Variants in DDI2 observed in about 807,000 individuals in gnomAD.
DDI2 encodes the protein protein DDI1 homolog 2.
In DDI2, 5 loss-of-function variants were observed where a neutral mutation model predicts 48.1. The observed-to-expected ratio is 0.10, with a 90% CI of 0.05 to 0.22. The LOEUF is 0.22. DDI2 is among the 10% of genes least tolerant of loss of function. The pLI is 1.00. For synonymous variants in DDI2, 205 were observed against 183.6 expected, an observed-to-expected ratio of 1.12 and a Z score of -0.94; for missense variants, 285 against 506.2, an observed-to-expected ratio of 0.56 and a Z score of 4.19.
intron 6 of DDI2, among the ~76,000 whole-genome samples, chr1:15,647,170 CAG>C (rs1169601238): frequency 6.7e-6 from 1 of 149,478 alleles, no homozygotes; most frequent in African/African-American, 2.5e-5. Flanking sequence ...TTTTTTGAAA[CAG>C]AGTCTCACTC....
rs376809241 is a variant in DDI2, at chr1:15,660,786, C to T, written c.*996C>T. On this transcript the variant is annotated 3_prime_UTR_variant, in exon 10 of 10. Coordinates refer to ENST00000480945, the MANE Select transcript of DDI2 (RefSeq NM_032341.5). ...CTGAAATTTTGAATGATTCCATTTCCACTCAGGATTTACAGCCCCCAGAAA... is the reference window on the plus strand; with the variant it reads ...CTGAAATTTTGAATGATTCCATTTCTACTCAGGATTTACAGCCCCCAGAAA... The T allele has an allele frequency of 3.8e-5, 62 of 1,613,836 alleles. No homozygotes were observed. The Middle Eastern group carries it at 4.9e-4, about 13-fold the overall frequency.
chr1:15,657,297 C>G (rs556780472), intron 9 of DDI2, among the ~76,000 whole-genome samples: 21 of 152,280 alleles, frequency 1.4e-4, no homozygotes, highest in African/African-American at 5.1e-4. Flanking sequence ...CATTGGCTGA[C>G]TTACTAAGAG....
At chr1:15,634,550 T>TTTTTTTTTTTTTTA (rs1570973895) in intron 4 of DDI2, among the ~76,000 whole-genome samples, 1 of 147,028 alleles carries the variant, frequency 6.8e-6, no homozygotes, top group Non-Finnish European at 1.5e-5. Context: ...TTTTTTTTTT[T>TTTTTTTTTTTTTTA]GAGACAAGGT....
rs182411445 is a variant in DDI2 at position 15,649,817 on chromosome 1, G to A, written c.987G>A (p.Arg329=). 227 of 1,607,242 alleles carry A rather than the reference G, an allele frequency of 1.4e-4. No individual in the cohort carries two copies. In the East Asian group the frequency reaches 4.8e-3, roughly 34 times the overall value. ...TTCTGGGACTGGACATGCTTAAACG[G>A]CACCAGGTAATTAAGAGCTTCACTT... The part of the protein sequence containing the change: ...DMLLGLDMLK[R]HQCSIDLKKN... The change falls in exon 7 of 10, where the codon CGG becomes CGA. Residue 329 remains arginine, a synonymous_variant. Coordinates refer to ENST00000480945, the MANE Select transcript of DDI2 (RefSeq NM_032341.5).
chr1:15,655,118 G>A (rs1640252058), intron 8 of DDI2, among the ~76,000 whole-genome samples: 1 of 152,110 alleles, frequency 6.6e-6, no homozygotes, highest in South Asian at 2.1e-4. Flanking sequence ...GCTTAGTGAA[G>A]GGGATGTACC....
Position 15,664,986 on chromosome 1 carries a change from G to C in DDI2, c.*5196G>C, listed in dbSNP as rs1414038472. 5 of 152,364 alleles carry C rather than the reference G, an allele frequency of 3.3e-5. No homozygotes were observed. The East Asian group carries it at 7.7e-4, about 23-fold the overall frequency. The allele number at this position is 152,364 out of a possible 1,614,324, so 9.4% of individuals were successfully genotyped here. A position where few individuals can be genotyped will look rare whatever the true frequency, so the allele number is the denominator to read the frequency against. The stretch of plus-strand genomic sequence containing the variant: ...CATAAAGATAACCAGTTGCAGCTAG[G>C]CTCGGTGGCTCACACCTGTAATCCC... On this transcript the variant is annotated 3_prime_UTR_variant, in exon 10 of 10. Coordinates refer to ENST00000480945, the MANE Select transcript of DDI2 (RefSeq NM_032341.5).
chr1:15,631,796 C>T (rs1639847388), intron 3 of DDI2, among the ~76,000 whole-genome samples: 1 of 151,730 alleles, frequency 6.6e-6, no homozygotes, highest in Non-Finnish European at 1.5e-5. Context: ...TCTGCTCTTT[C>T]GTGTTAGGCT....
intron 6 of DDI2, among the ~76,000 whole-genome samples, chr1:15,646,244 T>C (rs894623579): frequency 2.0e-5 from 3 of 152,218 alleles, no homozygotes; most frequent in African/African-American, 4.8e-5. Context: ...TCTCCTCCTA[T>C]CTGCAGAAGT....
chr1:15,661,680 A>C lies in DDI2; in HGVS notation c.*1890A>C. On this transcript the variant is annotated 3_prime_UTR_variant, in exon 10 of 10. Transcript: ENST00000480945. ...GAGTTGGTGGGAATGCAGACCTTGC[A>C]CTTCTTGTTTTGCTCGCAAAAAACA... 6.2e-7 allele frequency: 1 copy of C among 1,613,532 alleles called. No homozygotes were observed. Among genetic ancestry groups the C allele is most frequent in the Non-Finnish European group, 8.5e-7 (1 of 1,179,596 alleles).
At chr1:15,655,678 G>A (rs1009695943) in intron 8 of DDI2, among the ~76,000 whole-genome samples, 8 of 151,638 alleles carry the variant, frequency 5.3e-5, no homozygotes, top group South Asian at 2.1e-4. Context: ...GCTTGAAGCC[G>A]GGAAGCAGAG....
At chr1:15,653,500 C>T (rs1038845716) in intron 8 of DDI2, among the ~76,000 whole-genome samples, 1 of 151,476 alleles carries the variant, frequency 6.6e-6, no homozygotes, top group African/African-American at 2.4e-5. Context: ...CTAACTTCAC[C>T]GAAGACAGAA....
intron 4 of DDI2, 77 bp from the exon 5 acceptor site, chr1:15,638,230 T>C: frequency 6.3e-7 from 1 of 1,596,704 alleles, no homozygotes; most frequent in Non-Finnish European, 8.5e-7. Context: ...AATCTGTTTT[T>C]TAATATTGTG....
intron 5 of DDI2, among the ~76,000 whole-genome samples, chr1:15,640,673 A>G (rs1246679059): frequency 1.3e-5 from 2 of 152,204 alleles, no homozygotes; most frequent in African/African-American, 4.8e-5. Context: ...TACTTTAATA[A>G]CTTGGCTTTT....
chr1:15,626,727 T>C lies in DDI2; in HGVS notation c.197T>C (p.Leu66Ser). ...DNHRSLASYG[L>S]KDGDVVILRQ... ...CACAGATCATTGGCTTCTTATGGCT[T>C]GAAAGATGGGGACGTTGTGATTTTA... The change falls in exon 2 of 10, where the codon TTG becomes TCG. Residue 66 changes from leucine (L) to serine (S), a missense_variant. Around this residue, in one of 3 missense-constraint regions of DDI2, gnomAD observed 149 missense variants for 236.5 expected, o/e 0.63. Coordinates refer to ENST00000480945, the MANE Select transcript of DDI2 (RefSeq NM_032341.5). 6.2e-7 allele frequency: 1 copy of C among 1,614,168 alleles called. No individual in the cohort carries two copies. The highest frequency in any genetic ancestry group is 1.6e-4 in the Middle Eastern group (1 of 6,062).
chr1:15,652,058 C>CTTTTTTTTTTTTTTTT lies in DDI2; in HGVS notation c.1183+172_1183+187dup, dbSNP rs772990709. 5.4e-4 allele frequency among the ~76,000 whole-genome samples: 41 copies of CTTTTTTTTTTTTTTTT among 75,974 alleles called. 1 individual carries two copies. Among genetic ancestry groups the CTTTTTTTTTTTTTTTT allele is most frequent in the African/African-American group, 1.9e-3 (29 of 15,218 alleles). The allele number at this position is 75,974 out of a possible 152,430, so 49.8% of individuals were successfully genotyped here. ...TTCTTAACCTCCTTCTTTGATCTTC[C>CTTTTTTTTTTTTTTTT]TTTTTTTTTTTTTTTTTTTTTTTTG... On this transcript the variant is annotated intron_variant, in intron 8 of 9. Transcript: ENST00000480945.
chr1:15,659,579 T>G (rs1454141531), intron 9 of DDI2, among the ~76,000 whole-genome samples: 1 of 152,224 alleles, frequency 6.6e-6, no homozygotes, highest in Non-Finnish European at 1.5e-5. Flanking sequence ...ATTATGTGAA[T>G]GCATATTAAT....
chr1:15,635,268 T>TTAA (rs1421294567), intron 4 of DDI2, among the ~76,000 whole-genome samples: 3 of 151,366 alleles, frequency 2.0e-5, no homozygotes, highest in Admixed American at 6.6e-5. Context: ...TACACTAGAA[T>TTAA]TAATTGACAG....
At chr1:15,635,487 C>T (rs1052207600) in intron 4 of DDI2, among the ~76,000 whole-genome samples, 4 of 152,202 alleles carry the variant, frequency 2.6e-5, no homozygotes, top group African/African-American at 9.6e-5. Context: ...CTCATTGCAG[C>T]CTCCGCCTCC....
chr1:15,660,469 G>T lies in DDI2; in HGVS notation c.*679G>T. The T allele has an allele frequency of 6.2e-7, 1 of 1,614,044 alleles. No homozygotes were observed. The highest frequency in any genetic ancestry group is 1.3e-5 in the African/African-American group (1 of 75,058). ...CATAGGGGACCTTGAGCTTCCTGAAGAAAGGCAACAGAATCAACACAAAAT... is the reference window on the plus strand; with the variant it reads ...CATAGGGGACCTTGAGCTTCCTGAATAAAGGCAACAGAATCAACACAAAAT... On this transcript the variant is annotated 3_prime_UTR_variant, in exon 10 of 10. Coordinates refer to ENST00000480945, the MANE Select transcript of DDI2 (RefSeq NM_032341.5).
Sources: allele counts gnomAD v4.1 joint callset (sites outside exome capture counted in the v4.1 genomes callset), GRCh38; gene constraint gnomAD v4.1.1; regional missense constraint gnomAD v4.1.1; transcripts MANE v1.5; gene names NCBI Gene and HGNC (gene_info 2026-07-23, HGNC 2026-07-21).